HSPG2: variants seen among roughly 807,000 people sequenced by gnomAD.
The protein encoded by HSPG2 is basement membrane-specific heparan sulfate proteoglycan core protein.
A neutral mutation model predicts 526.6 loss-of-function variants in HSPG2; 278 were observed. The observed-to-expected ratio is 0.53, with a 90% CI of 0.48 to 0.58. The LOEUF (loss-of-function observed/expected upper bound fraction) is 0.58, where lower values mean the gene tolerates loss of function less well. HSPG2 is among the 20% of genes least tolerant of loss of function. The pLI, the probability that HSPG2 is intolerant of heterozygous loss-of-function variation, is 0.00. For synonymous variants in HSPG2, 2,465 were observed against 2,555.4 expected, an observed-to-expected ratio of 0.96 and a Z score of 1.07; for missense variants, 5,354 against 6,099.5, an observed-to-expected ratio of 0.88 and a Z score of 4.07.
rs755573009 is a variant in HSPG2, at chr1:21,846,519, C to A, written c.8245G>T (p.Val2749Leu). 2.5e-6 allele frequency: 4 copies of A among 1,613,630 alleles called. No homozygotes were observed. Among genetic ancestry groups the A allele is most frequent in the Non-Finnish European group, 2.5e-6 (3 of 1,180,034 alleles). Residue 2749 changes from valine (V) to leucine (L), a missense_variant, in exon 63 of 97, where the codon GTG (valine) becomes TTG (leucine). Physicochemically the swap from Val to Leu is conservative, Grantham distance 32. Coordinates refer to ENST00000374695, the MANE Select transcript of HSPG2 (RefSeq NM_005529.7). ...AEGETLDLNCVVPGQAHAQVT... is the reference protein window; with the variant it reads ...AEGETLDLNCLVPGQAHAQVT... ...TGGGCATGGGCCTGCCCGGGGACCACGCAGTTCAGATCCAGGGTCTCCCCT... is the reference window on the plus strand; with the variant it reads ...TGGGCATGGGCCTGCCCGGGGACCAAGCAGTTCAGATCCAGGGTCTCCCCT...
At chr1:21,897,497 G>C (rs1397952242) in intron 1 of HSPG2, among the ~76,000 whole-genome samples, 1 of 152,112 alleles carries the variant, frequency 6.6e-6, no homozygotes, top group Non-Finnish European at 1.5e-5. Flanking sequence ...TCTCACGCCG[G>C]GCCCTCTGCT....
At chr1:21,924,448 G>A (rs553085251) in intron 1 of HSPG2, among the ~76,000 whole-genome samples, 11 of 152,306 alleles carry the variant, frequency 7.2e-5, no homozygotes, top group Non-Finnish European at 1.5e-4. Flanking sequence ...TCCTTGAGGT[G>A]CCTACCACCC....
chr1:21,823,122 G>T lies in HSPG2; in HGVS notation c.*194C>A, dbSNP rs1240932399. 2 of 528,866 alleles carry T rather than the reference G, an allele frequency of 3.8e-6. No homozygotes were observed. The highest frequency in any genetic ancestry group is 6.3e-6 in the Non-Finnish European group (2 of 316,460). The allele number at this position is 528,866 out of a possible 1,614,324, so 32.8% of individuals were successfully genotyped here. On this transcript the variant is annotated 3_prime_UTR_variant, in exon 97 of 97. Transcript: ENST00000374695. ...CCACTCCCATCCAACCTGCCTTGCT[G>T]GCCAGCCTTGTGGCTTTGCCCAGCT...
Position 21,847,977 on chromosome 1 carries a change from C to G in HSPG2, c.7854G>C (p.Gln2618His). Residue 2618 changes from glutamine (Q) to histidine (H), a missense_variant, in exon 60 of 97, where the codon CAG becomes CAC. Gln to His is a conservative substitution (Grantham distance 24). Transcript: ENST00000374695. The surrounding 1 kb of genome is among the most constrained non-coding windows in gnomAD (Gnocchi z 4.1). Reference protein sequence around the residue: ...SRETSLIVTIQGSGSSHVPSV... With the variant: ...SRETSLIVTIHGSGSSHVPSV... ...TCTCACCGTGGGAGGAACCGCTGCCCTGGATGGTGACGATGAGCGAGGTCT... is the reference window on the plus strand; with the variant it reads ...TCTCACCGTGGGAGGAACCGCTGCCGTGGATGGTGACGATGAGCGAGGTCT... The G allele has an allele frequency of 6.2e-7, 1 of 1,613,840 alleles. No homozygotes were observed. Among genetic ancestry groups the G allele is most frequent in the Non-Finnish European group, 8.5e-7 (1 of 1,180,022 alleles).
chr1:21,855,847 G>T lies in HSPG2; in HGVS notation c.5641C>A (p.Gln1881Lys). 1 of 1,613,060 alleles carries T rather than the reference G, an allele frequency of 6.2e-7. No homozygotes were observed. The highest frequency in any genetic ancestry group is 8.5e-7 in the Non-Finnish European group (1 of 1,180,008). ...GCGCTGCAGCGGAACTCCGCCAGTT[G>T]CCCGGGCTGCACTGTGAGCTGTGGC... ...HPPQLTVQPG[Q>K]LAEFRCSATG... The change falls in exon 45 of 97, where the codon CAA (glutamine) becomes AAA (lysine). Residue 1881 changes from glutamine (Q) to lysine (K), a missense_variant. Gln to Lys is a moderately conservative substitution (Grantham distance 53). Coordinates refer to ENST00000374695, the MANE Select transcript of HSPG2 (RefSeq NM_005529.7).
chr1:21,873,426 T>A lies in HSPG2; in HGVS notation c.3744-2A>T. 6.2e-7 allele frequency: 1 copy of A among 1,613,838 alleles called. No individual in the cohort carries two copies. Among genetic ancestry groups the A allele is most frequent in the Non-Finnish European group, 8.5e-7 (1 of 1,179,932 alleles). The stretch of plus-strand genomic sequence containing the variant: ...TTGCCATAGTAGCCAGGGGCGCACC[T>A]GCAGAGAGAAAAAGCCTCTGATGAA... On this transcript the variant is annotated splice_acceptor_variant, in intron 29 of 96. Coordinates refer to ENST00000374695, the MANE Select transcript of HSPG2 (RefSeq NM_005529.7). LOFTEE classifies it high-confidence loss of function.
At position 21,839,627 on chromosome 1, in the gene HSPG2, G is replaced by A; in HGVS notation, c.9710-77C>T. 2 of 1,534,534 alleles carry A rather than the reference G, an allele frequency of 1.3e-6. No homozygotes were observed. The highest frequency in any genetic ancestry group is 1.8e-6 in the Non-Finnish European group (2 of 1,120,998). ...CGCAGAGGGTGGCCATGGTGAGGAA[G>A]GGCCCTGGGTGATCCTGTCCCTCTA... On this transcript the variant is annotated intron_variant, in intron 72 of 96. Transcript: ENST00000374695. The surrounding 1 kb of genome is among the most constrained non-coding windows in gnomAD (Gnocchi z 4.5).
Position 21,825,910 on chromosome 1 carries a change from C to G in HSPG2, c.12590-1131G>C, listed in dbSNP as rs375751100. On this transcript the variant is annotated intron_variant, in intron 91 of 96. Coordinates refer to ENST00000374695, the MANE Select transcript of HSPG2 (RefSeq NM_005529.7). ...AAGCAATTCTCCTGCCTTGGCCTCC[C>G]GAGTAGCTGGGACTACAGGTGTGCA... Among the ~76,000 whole-genome samples, 83 of 151,826 alleles carry G rather than the reference C, an allele frequency of 5.5e-4. 1 individual carries two copies. The highest frequency in any genetic ancestry group is 1.9e-3 in the African/African-American group (77 of 41,392).
At chr1:21,915,692 C>A (rs542034266) in intron 1 of HSPG2, among the ~76,000 whole-genome samples, 2 of 152,176 alleles carry the variant, frequency 1.3e-5, no homozygotes, top group African/African-American at 4.8e-5. Context: ...GGAAATGTTG[C>A]GTGCCTGCAC....
chr1:21,871,428 T>C, intron 33 of HSPG2, among the ~76,000 whole-genome samples: 1 of 151,970 alleles, frequency 6.6e-6, no homozygotes, highest in Non-Finnish European at 1.5e-5. Flanking sequence ...GCCCAGCTAA[T>C]TTTTTGTACT....
At chr1:21,882,520 G>A in intron 13 of HSPG2, among the ~76,000 whole-genome samples, 1 of 151,896 alleles carries the variant, frequency 6.6e-6, no homozygotes, top group East Asian at 1.9e-4. Context: ...AACTTTCGGT[G>A]GAGTGAAAAT....
At chr1:21,917,437 G>GTAAA (rs71569857) in intron 1 of HSPG2, among the ~76,000 whole-genome samples, 14,518 of 141,198 alleles carry the variant, frequency 0.1, 894 homozygotes, top group Middle Eastern at 0.17. Context: ...TGTCTCAAAA[G>GTAAA]TAAATAAATA....
At position 21,875,006 on chromosome 1, in the gene HSPG2, G is replaced by A; in HGVS notation, c.3303-4C>T. 4 of 1,587,314 alleles carry A rather than the reference G, an allele frequency of 2.5e-6. No homozygotes were observed. The highest frequency in any genetic ancestry group is 3.4e-6 in the Non-Finnish European group (4 of 1,165,162). On this transcript the variant is annotated splice_region_variant and splice_polypyrimidine_tract_variant and intron_variant, in intron 25 of 96. Coordinates refer to ENST00000374695, the MANE Select transcript of HSPG2 (RefSeq NM_005529.7). ...GTCCATGCTGATGCCAGAGACCCTG[G>A]GCGTGACAAGACCCAGCGTGAATAG...
intron 1 of HSPG2, among the ~76,000 whole-genome samples, chr1:21,933,313 C>T (rs1644394279): frequency 6.6e-6 from 1 of 151,874 alleles, no homozygotes; most frequent in Non-Finnish European, 1.5e-5. Context: ...TGTTGCAGGG[C>T]CTCGTAGGCT....
intron 13 of HSPG2, among the ~76,000 whole-genome samples, chr1:21,883,616 T>A (rs1163398447): frequency 6.6e-6 from 1 of 152,190 alleles, no homozygotes; most frequent in Non-Finnish European, 1.5e-5. Flanking sequence ...TAAGCCACCA[T>A]GCCTGGCCAG....
In HSPG2 at chr1:21,857,397, G is replaced by T; in HGVS notation, c.5294-12C>A. 1 of 1,612,266 alleles carries T rather than the reference G, an allele frequency of 6.2e-7. No individual in the cohort carries two copies. On this transcript the variant is annotated splice_polypyrimidine_tract_variant and intron_variant, in intron 42 of 96. Coordinates refer to ENST00000374695, the MANE Select transcript of HSPG2 (RefSeq NM_005529.7). ...CTTGCTTGGAGCCTCTGCAGGGACG[G>T]GAAGCCCCCCTGTGAGCCGGTGCTG... is the stretch of plus-strand genomic sequence containing the variant.
chr1:21,922,730 GC>G (rs1359455584), intron 1 of HSPG2, among the ~76,000 whole-genome samples: 1 of 152,136 alleles, frequency 6.6e-6, no homozygotes. Flanking sequence ...TGCCTAGGAG[GC>G]CACAGTCCTC....
chr1:21,841,124 T>C lies in HSPG2; in HGVS notation c.9490A>G (p.Met3164Val), dbSNP rs2098046638. The C allele has an allele frequency of 6.2e-7, 1 of 1,612,330 alleles. No homozygotes were observed. The highest frequency in any genetic ancestry group is 8.5e-7 in the Non-Finnish European group (1 of 1,179,544). The change falls in exon 71 of 97, where the codon ATG (methionine) becomes GTG (valine). Residue 3164 changes from methionine (M) to valine (V), a missense_variant. Coordinates refer to ENST00000374695, the MANE Select transcript of HSPG2 (RefSeq NM_005529.7). ...ACCTGCAGCACCGCGTGGCTGTCCA[T>C]GAGCCCATATGTCCGCTGCTCCAAC... ...AKLEQRTYGLMDSHAVLQISS... is the reference protein window; with the variant it reads ...AKLEQRTYGLVDSHAVLQISS...
At chr1:21,863,061 A>AAAAAC (rs1639934621) in intron 37 of HSPG2, among the ~76,000 whole-genome samples, 2 of 10,076 alleles carry the variant, frequency 2.0e-4, no homozygotes, top group African/African-American at 4.1e-4. Context: ...ACTCCATCTC[A>AAAAAC]AAAAAAAAAA....
Sources: gnomAD v4.1 joint callset for allele counts (sites outside exome capture counted in the v4.1 genomes callset) on GRCh38, gnomAD v4.1.1 for gene constraint, Gnocchi (gnomAD v3.1) non-coding constraint, MANE v1.5 for transcripts, NCBI Gene and HGNC (gene_info 2026-07-23, HGNC 2026-07-21) for gene names.